Variants in TRPM3 observed in about 807,000 individuals in gnomAD.
TRPM3 encodes the protein transient receptor potential cation channel subfamily M member 3.
In TRPM3, 77 loss-of-function variants were observed where a neutral mutation model predicts 181.2. The observed-to-expected ratio is 0.42, with a 90% CI of 0.35 to 0.51. The LOEUF is 0.51. TRPM3 is among the 20% of genes least tolerant of loss of function. The pLI is 0.01. For synonymous variants in TRPM3, 745 were observed against 796.4 expected (o/e 0.94, Z 1.09); for missense variants, 1,759 against 2,196.7 (o/e 0.80, Z 3.98).
intron 9 of TRPM3, among the ~76,000 whole-genome samples, chr9:70,656,679 A>C (rs2060388373): frequency 6.6e-6 from 1 of 152,240 alleles, no homozygotes; most frequent in South Asian, 2.1e-4. Context: ...TGGGATAAGC[A>C]CTTGTAGACA....
chr9:71,050,035 T>C (rs1001456047), intron 1 of TRPM3, among the ~76,000 whole-genome samples: 1 of 152,122 alleles, frequency 6.6e-6, no homozygotes, highest in African/African-American at 2.4e-5. Context: ...AATAACAACC[T>C]TCTTGCAGGT....
intron 7 of TRPM3, among the ~76,000 whole-genome samples, chr9:70,770,907 G>A (rs1378804356): frequency 6.6e-6 from 1 of 152,188 alleles, no homozygotes; most frequent in African/African-American, 2.4e-5. Context: ...AGCTGGAGGA[G>A]TCCATCCCTA....
At chr9:71,092,354 T>C (rs2066369851) in intron 1 of TRPM3, among the ~76,000 whole-genome samples, 1 of 152,204 alleles carries the variant, frequency 6.6e-6, no homozygotes, top group African/African-American at 2.4e-5. Flanking sequence ...GAAAACTCAC[T>C]GATTACCAAT....
intron 8 of TRPM3, among the ~76,000 whole-genome samples, chr9:70,695,301 G>A (rs2069994911): frequency 6.6e-6 from 1 of 152,196 alleles, no homozygotes; most frequent in African/African-American, 2.4e-5. Flanking sequence ...AGTGAAATAA[G>A]GATGACTCTA....
chr9:70,819,923 CT>C, intron 6 of TRPM3, among the ~76,000 whole-genome samples: 1 of 152,290 alleles, frequency 6.6e-6, no homozygotes, highest in African/African-American at 2.4e-5. Flanking sequence ...AACTAGATTT[CT>C]GTCCTCTTCT....
At chr9:70,814,198 G>A (rs1201127249) in intron 6 of TRPM3, among the ~76,000 whole-genome samples, 1 of 152,208 alleles carries the variant, frequency 6.6e-6, no homozygotes, top group Non-Finnish European at 1.5e-5. Flanking sequence ...TAGAAGTTCA[G>A]TGGGGTGGAG....
intron 1 of TRPM3, among the ~76,000 whole-genome samples, chr9:71,348,322 A>C (rs1051637104): frequency 6.6e-6 from 1 of 152,048 alleles, no homozygotes; most frequent in Non-Finnish European, 1.5e-5. Flanking sequence ...TTGTGATTGA[A>C]TATCTCACAG....
At chr9:70,811,375 A>G (rs1391454702) in intron 6 of TRPM3, 3 of 714,450 alleles carry the variant, frequency 4.2e-6, no homozygotes, top group Admixed American at 2.5e-5. Flanking sequence ...AGTGAAACCT[A>G]TGTAGAGCAT....
At chr9:70,564,266 CAT>C (rs974051942) in intron 22 of TRPM3, among the ~76,000 whole-genome samples, 17 of 152,098 alleles carry the variant, frequency 1.1e-4, no homozygotes, top group Admixed American at 5.2e-4. Flanking sequence ...TCAGAGAAAA[CAT>C]AAAATAAGTT....
intron 1 of TRPM3, among the ~76,000 whole-genome samples, chr9:71,059,774 G>T (rs1342943742): frequency 6.6e-6 from 1 of 151,892 alleles, no homozygotes; most frequent in Non-Finnish European, 1.5e-5. Flanking sequence ...ACATATTTTG[G>T]ACTTGCCAAC....
At chr9:70,941,149 G>A (rs577448997) in intron 1 of TRPM3, among the ~76,000 whole-genome samples, 4 of 152,254 alleles carry the variant, frequency 2.6e-5, no homozygotes, top group Admixed American at 2.6e-4. Context: ...TGCCAAAGGA[G>A]ATTAATAGTT....
Position 70,536,802 on chromosome 9 carries a change from C to A in TRPM3, c.4311G>T (p.Gly1437=). The change falls in exon 26 of 26, where the codon GGG becomes GGT. Residue 1437 remains glycine (G), a synonymous_variant. Coordinates refer to ENST00000677713, the MANE Select transcript of TRPM3 (RefSeq NM_001366145.2). ...GAGTTGAAAAGCTTGGCTCGCCCAGCCCAAGGATGTTCACGGAATTGTCCA... is the reference window on the plus strand; with the variant it reads ...GAGTTGAAAAGCTTGGCTCGCCCAGACCAAGGATGTTCACGGAATTGTCCA... The part of the protein sequence containing the change: ...DPLDNSVNIL[G]LGEPSFSTPV... 1 of 1,614,092 alleles carries A rather than the reference C, an allele frequency of 6.2e-7. No individual in the cohort carries two copies. Among genetic ancestry groups the A allele is most frequent in the Admixed American group, 1.7e-5 (1 of 60,016 alleles).
At chr9:71,237,095 G>A (rs112458520) in intron 1 of TRPM3, among the ~76,000 whole-genome samples, 31,086 of 143,674 alleles carry the variant, frequency 0.22, 4,125 homozygotes, top group African/African-American at 0.36. Flanking sequence ...AGGGAAGGGG[G>A]ATGGGGAAAG....
chr9:71,136,858 G>A (rs538954984), intron 1 of TRPM3, among the ~76,000 whole-genome samples: 4 of 152,334 alleles, frequency 2.6e-5, no homozygotes, highest in African/African-American at 9.6e-5. Flanking sequence ...AAGACAGGAA[G>A]TAGTTTTGTA....
chr9:71,126,037 C>T (rs1016458716), upstream of TRPM3, among the ~76,000 whole-genome samples: 1 of 152,116 alleles, frequency 6.6e-6, no homozygotes, highest in Non-Finnish European at 1.5e-5. Context: ...AAAAAGCAAA[C>T]AACCCCATTA....
At chr9:71,364,520 CT>C (rs1057321843) in intron 1 of TRPM3, among the ~76,000 whole-genome samples, 1 of 152,160 alleles carries the variant, frequency 6.6e-6, no homozygotes, top group Non-Finnish European at 1.5e-5. Flanking sequence ...AATTTGTTTG[CT>C]TATCACAGAA....
At chr9:70,543,424 A>G (rs940486838) in intron 25 of TRPM3, among the ~76,000 whole-genome samples, 5 of 152,238 alleles carry the variant, frequency 3.3e-5, no homozygotes, top group Non-Finnish European at 7.3e-5. Flanking sequence ...GCTATCAAAC[A>G]GCAGATCTTA....
rs748050559 is a variant in TRPM3, at chr9:70,536,833, T to A, written c.4280A>T (p.Asp1427Val). 2 of 1,614,044 alleles carry A rather than the reference T, an allele frequency of 1.2e-6. No homozygotes were observed. Among genetic ancestry groups the A allele is most frequent in the Non-Finnish European group, 1.7e-6 (2 of 1,180,012 alleles). The change falls in exon 26 of 26, where the codon GAC becomes GTC. Residue 1427 changes from aspartate to valine, a missense_variant. Coordinates refer to ENST00000677713, the MANE Select transcript of TRPM3 (RefSeq NM_001366145.2). ...GATGTTCACGGAATTGTCCAGAGGG[T>A]CTATATCACAGTGGAGCTCATCCAT... ...SAMDELHCDI[D>V]PLDNSVNILG...
intron 1 of TRPM3, among the ~76,000 whole-genome samples, chr9:71,234,850 G>C (rs778767375): frequency 1.2e-4 from 18 of 152,146 alleles, no homozygotes; most frequent in Non-Finnish European, 1.8e-4. Context: ...GGTGTTCTCT[G>C]TTCTTGGTCT....
Sources: gnomAD v4.1 joint callset for allele counts (sites outside exome capture counted in the v4.1 genomes callset) on GRCh38, gnomAD v4.1.1 for gene constraint, MANE v1.5 for transcripts, NCBI Gene and HGNC (gene_info 2026-07-23, HGNC 2026-07-21) for gene names.